Variants in CCDC171 observed in about 807,000 individuals in gnomAD.
The protein encoded by CCDC171 is coiled-coil domain-containing protein 171.
A neutral mutation model predicts 168.2 loss-of-function variants in CCDC171; 177 were observed. That is an observed-to-expected ratio of 1.05 (90% CI 0.93 to 1.19). The LOEUF (loss-of-function observed/expected upper bound fraction) is 1.19. Ranked by LOEUF, CCDC171 falls within the 50% of genes most tolerant of loss-of-function variation. The pLI is 0.00. For synonymous variants in CCDC171, 687 were observed against 540.8 expected (o/e 1.27, Z -3.75); for missense variants, 1,991 against 1,539.0 (o/e 1.29, Z -4.91).
intron 21 of CCDC171, among the ~76,000 whole-genome samples, chr9:15,813,032 A>C (rs2059422712): frequency 1.3e-5 from 2 of 152,022 alleles, no homozygotes; most frequent in Admixed American, 1.3e-4. Flanking sequence ...GAGAGTGTGC[A>C]AATAAGGGTG....
chr9:15,750,058 CA>C lies in CCDC171; in HGVS notation c.2671+4429del, dbSNP rs1419518188. 3.4e-5 allele frequency among the ~76,000 whole-genome samples: 5 copies of C among 147,376 alleles called. No individual in the cohort carries two copies. In the South Asian group the frequency reaches 1.1e-3, roughly 32 times the overall value. ...GGAGCTGTTTTTTTTTTTAAAAGATCAACAAAATAGACTGCTAGCAAGACTA... is the reference window on the plus strand; with the variant it reads ...GGAGCTGTTTTTTTTTTTAAAAGATCACAAAATAGACTGCTAGCAAGACTA... On this transcript the variant is annotated intron_variant, in intron 18 of 25. Transcript: ENST00000380701.
intron 6 of CCDC171, among the ~76,000 whole-genome samples, chr9:15,614,179 A>G (rs2043917556): frequency 2.0e-5 from 3 of 152,346 alleles, no homozygotes; most frequent in South Asian, 4.2e-4. Flanking sequence ...GCTTATATAT[A>G]GACTTGCACT....
At chr9:16,027,920 C>G (rs141366686) in intron 6 of CCDC171, among the ~76,000 whole-genome samples, 1 of 152,250 alleles carries the variant, frequency 6.6e-6, no homozygotes, top group African/African-American at 2.4e-5. Context: ...CAGAGCATAT[C>G]AAGTTATATC....
chr9:15,834,311 C>T (rs1469629192), intron 21 of CCDC171, among the ~76,000 whole-genome samples: 1 of 152,052 alleles, frequency 6.6e-6, no homozygotes, highest in Non-Finnish European at 1.5e-5. Context: ...ATTATATGTT[C>T]ATATTTCTAG....
intron 10 of CCDC171, among the ~76,000 whole-genome samples, chr9:15,690,269 A>G (rs2050695824): frequency 6.6e-6 from 1 of 152,204 alleles, no homozygotes. Flanking sequence ...TGTTATGTCA[A>G]TTATGTCTCA....
chr9:16,069,826 T>C, the CCDC171 span, among the ~76,000 whole-genome samples: 174 of 152,298 alleles, frequency 1.1e-3, no homozygotes, highest in Middle Eastern at 3.4e-3. Flanking sequence ...GCTGACATGC[T>C]TCAAAACATC....
At chr9:15,580,025 G>A (rs2040987183) in intron 4 of CCDC171, among the ~76,000 whole-genome samples, 1 of 152,102 alleles carries the variant, frequency 6.6e-6, no homozygotes, top group African/African-American at 2.4e-5. Flanking sequence ...AACAGGCATG[G>A]AGACTAATGG....
chr9:16,103,488 A>G, the CCDC171 span, among the ~76,000 whole-genome samples: 1 of 152,264 alleles, frequency 6.6e-6, no homozygotes, highest in Non-Finnish European at 1.5e-5. Flanking sequence ...ATGTAAAAGC[A>G]AGTGATGGGC....
chr9:15,691,345 G>C (rs983923964), intron 10 of CCDC171, among the ~76,000 whole-genome samples: 2 of 151,234 alleles, frequency 1.3e-5, no homozygotes, highest in African/African-American at 4.9e-5. Flanking sequence ...TGTATTTTAT[G>C]ATCCTATTTG....
At chr9:15,646,031 A>G (rs2047008081) in intron 7 of CCDC171, among the ~76,000 whole-genome samples, 1 of 152,250 alleles carries the variant, frequency 6.6e-6, no homozygotes, top group Non-Finnish European at 1.5e-5. Flanking sequence ...GAAGCCCATC[A>G]GACTAACAGT....
At chr9:16,055,790 A>G (rs1053853995) in intron 1 of CCDC171, among the ~76,000 whole-genome samples, 14 of 152,264 alleles carry the variant, frequency 9.2e-5, no homozygotes, top group African/African-American at 2.9e-4. Context: ...CAATGGTTCA[A>G]GCGGATTATT....
chr9:15,905,371 C>G (rs1168117871), intron 24 of CCDC171, among the ~76,000 whole-genome samples: 2 of 152,176 alleles, frequency 1.3e-5, no homozygotes, highest in Non-Finnish European at 2.9e-5. Context: ...CAGAAGCTCA[C>G]TCACAACCGC....
At chr9:15,879,198 A>G (rs1818264947) in intron 24 of CCDC171, among the ~76,000 whole-genome samples, 1 of 152,126 alleles carries the variant, frequency 6.6e-6, no homozygotes. Flanking sequence ...TCTTCAAGTT[A>G]TTTTTTAGCC....
At chr9:15,797,725 A>G (rs190174833) in intron 21 of CCDC171, among the ~76,000 whole-genome samples, 435 of 152,124 alleles carry the variant, frequency 2.9e-3, no homozygotes, top group Non-Finnish European at 3.9e-3. Flanking sequence ...GTTGTAGTTG[A>G]TCCTTTTTAT....
chr9:15,898,789 T>C (rs1821249401), intron 24 of CCDC171, among the ~76,000 whole-genome samples: 1 of 152,162 alleles, frequency 6.6e-6, no homozygotes, highest in Non-Finnish European at 1.5e-5. Flanking sequence ...TTCCCCATTG[T>C]TATATCTTAC....
intron 6 of CCDC171, among the ~76,000 whole-genome samples, chr9:15,599,240 G>T (rs1008730260): frequency 2.6e-5 from 4 of 152,082 alleles, no homozygotes; most frequent in African/African-American, 7.2e-5. Flanking sequence ...TTTCTTCCTA[G>T]CCTTGATGGT....
chr9:15,748,872 C>A (rs191247555), intron 18 of CCDC171, among the ~76,000 whole-genome samples: 3 of 152,138 alleles, frequency 2.0e-5, no homozygotes, highest in East Asian at 1.9e-4. Flanking sequence ...CAAAAACATG[C>A]CAAATTGTTA....
intron 23 of CCDC171, among the ~76,000 whole-genome samples, chr9:15,851,431 T>TC (rs892915006): frequency 2.8e-5 from 1 of 35,730 alleles, no homozygotes; most frequent in Non-Finnish European, 5.5e-5. Flanking sequence ...GACACTCTTT[T>TC]GGGGGGGAAT....
intron 3 of CCDC171, among the ~76,000 whole-genome samples, chr9:15,573,153 T>C (rs760794429): frequency 6.6e-6 from 1 of 151,962 alleles, no homozygotes; most frequent in Admixed American, 6.6e-5. Context: ...GAGGAGAGTA[T>C]GAAAAGATGA....
Sources: allele counts gnomAD v4.1 joint callset (sites outside exome capture counted in the v4.1 genomes callset), GRCh38; gene constraint gnomAD v4.1.1; transcripts MANE v1.5; gene names NCBI Gene and HGNC (gene_info 2026-07-23, HGNC 2026-07-21).